Variants in DOK6 observed in about 807,000 individuals in gnomAD.
The protein encoded by DOK6 is docking protein 6, also known as downstream of tyrosine kinase 6.
DOK6 carries 22 observed loss-of-function variants against 44.0 expected under a neutral mutation model. That is an observed-to-expected ratio of 0.50 (90% CI 0.36 to 0.71). The LOEUF (loss-of-function observed/expected upper bound fraction) is 0.71, where lower values mean the gene tolerates loss of function less well. Ranked by LOEUF, DOK6 falls within the 30% of genes least tolerant of loss-of-function variation. The probability of loss-of-function intolerance (pLI) is 0.00; values close to 1 mark genes in which losing one functional copy is unlikely to be tolerated. For synonymous variants in DOK6, 166 were observed against 145.5 expected, an observed-to-expected ratio of 1.14 and a Z score of -1.01; for missense variants, 340 against 416.4, an observed-to-expected ratio of 0.82 and a Z score of 1.60.
At chr18:69,554,766 T>A (rs542402473) in intron 1 of DOK6, among the ~76,000 whole-genome samples, 209 of 152,332 alleles carry the variant, frequency 1.4e-3, no homozygotes, top group Middle Eastern at 0.014. Context: ...GAGACTTCCA[T>A]TGCTCCATAT....
chr18:69,573,008 C>T (rs969789760), intron 2 of DOK6, among the ~76,000 whole-genome samples: 10 of 150,194 alleles, frequency 6.7e-5, no homozygotes, highest in Non-Finnish European at 3.0e-5. Flanking sequence ...ATGTTACCTA[C>T]AGGTAACACA....
chr18:69,518,419 T>G (rs751035037), intron 1 of DOK6, among the ~76,000 whole-genome samples: 5 of 152,138 alleles, frequency 3.3e-5, no homozygotes, highest in Non-Finnish European at 7.4e-5. Flanking sequence ...CTGATCTTGC[T>G]TCCTCAACAG....
At chr18:69,812,527 TG>T (rs1174891000) in intron 7 of DOK6, among the ~76,000 whole-genome samples, 2 of 152,098 alleles carry the variant, frequency 1.3e-5, no homozygotes, top group African/African-American at 4.8e-5. Flanking sequence ...GCAGATGTCC[TG>T]TGATGGACAG....
chr18:69,517,514 C>T (rs1981562180), intron 1 of DOK6, among the ~76,000 whole-genome samples: 1 of 152,084 alleles, frequency 6.6e-6, no homozygotes, highest in South Asian at 2.1e-4. Flanking sequence ...CTTCTATAAT[C>T]CGGTCCTCTA....
chr18:69,822,526 A>T (rs1981604634), intron 7 of DOK6, among the ~76,000 whole-genome samples: 1 of 152,224 alleles, frequency 6.6e-6, no homozygotes, highest in Admixed American at 6.5e-5. Flanking sequence ...AAGTTTGGGG[A>T]ACCCCAGTGT....
At chr18:69,467,572 C>A (rs1356014377) in intron 1 of DOK6, among the ~76,000 whole-genome samples, 1 of 152,120 alleles carries the variant, frequency 6.6e-6, no homozygotes, top group Non-Finnish European at 1.5e-5. Context: ...CTATATTTGA[C>A]TAATTTATAT....
At chr18:69,463,061 T>C (rs1979830030) in intron 1 of DOK6, among the ~76,000 whole-genome samples, 1 of 152,220 alleles carries the variant, frequency 6.6e-6, no homozygotes, top group South Asian at 2.1e-4. Context: ...GTTGCTTATG[T>C]ACAACAGAAA....
In DOK6 at chr18:69,445,790, A is replaced by C. The variant is rs186315129; in HGVS notation, c.66+44480A>C. ...AATCCCAGTGCTTTGAGAGGCTGACACGGGAGGATCACTTGAGCCCAGTAG... is the reference window on the plus strand; with the variant it reads ...AATCCCAGTGCTTTGAGAGGCTGACCCGGGAGGATCACTTGAGCCCAGTAG... On this transcript the variant is annotated intron_variant, in intron 1 of 7. Transcript: ENST00000382713. Among the ~76,000 whole-genome samples, 17 of 152,282 alleles carry C rather than the reference A, an allele frequency of 1.1e-4. No individual in the cohort carries two copies. The East Asian group carries it at 2.7e-3, about 24-fold the overall frequency.
At chr18:69,524,530 T>A (rs1031540578) in intron 1 of DOK6, among the ~76,000 whole-genome samples, 1 of 151,924 alleles carries the variant, frequency 6.6e-6, no homozygotes. Flanking sequence ...GACTTTTAGT[T>A]GGCTAAATAG....
At chr18:69,695,223 G>GA (rs969930215) in intron 4 of DOK6, among the ~76,000 whole-genome samples, 1 of 152,176 alleles carries the variant, frequency 6.6e-6, no homozygotes, top group African/African-American at 2.4e-5. Context: ...GGAATAAACA[G>GA]AAAATGTAAA....
intron 5 of DOK6, among the ~76,000 whole-genome samples, chr18:69,701,387 C>A (rs944057779): frequency 6.6e-6 from 1 of 152,220 alleles, no homozygotes; most frequent in African/African-American, 2.4e-5. Context: ...ATTTGCCATG[C>A]AAGCATATTT....
Position 69,599,402 on chromosome 18 carries a change from A to C in DOK6, c.193A>C (p.Ile65Leu). ...TTTCAAGGTAACTGAACTGCACAAT[A>C]TCAAAAATATAACCAGACTGCCCCG... The part of the protein sequence containing the change: ...NFHKVTELHN[I>L]KNITRLPRET... Residue 65 changes from isoleucine to leucine, a missense_variant, in exon 3 of 8, where the codon ATC becomes CTC. Physicochemically the swap from Ile to Leu is conservative, Grantham distance 5. Around this residue, in one of 3 missense-constraint regions of DOK6, gnomAD observed 206 missense variants for 258.6 expected, o/e 0.80. Transcript: ENST00000382713. The C allele has an allele frequency of 6.2e-7, 1 of 1,613,684 alleles. No individual in the cohort carries two copies. The highest frequency in any genetic ancestry group is 8.5e-7 in the Non-Finnish European group (1 of 1,179,844).
chr18:69,528,973 CA>C (rs1819820755), intron 1 of DOK6, among the ~76,000 whole-genome samples: 1 of 152,100 alleles, frequency 6.6e-6, no homozygotes, highest in Non-Finnish European at 1.5e-5. Flanking sequence ...TGAAGGAAGT[CA>C]ACTGCATTTC....
At chr18:69,523,826 CTT>C (rs35867004) in intron 1 of DOK6, among the ~76,000 whole-genome samples, 7,746 of 152,038 alleles carry the variant, frequency 0.051, 237 homozygotes, top group Admixed American at 0.098. Context: ...CATGAAATCT[CTT>C]TTACTTAAAG....
intron 3 of DOK6, among the ~76,000 whole-genome samples, chr18:69,649,549 A>G (rs890429303): frequency 2.3e-4 from 35 of 152,188 alleles, no homozygotes; most frequent in African/African-American, 8.0e-4. Flanking sequence ...TCATATTACT[A>G]TGAAGAACTT....
chr18:69,478,498 T>C (rs1163783786), intron 1 of DOK6, among the ~76,000 whole-genome samples: 2 of 152,070 alleles, frequency 1.3e-5, no homozygotes, highest in South Asian at 4.1e-4. Context: ...CTAAAACAAA[T>C]GGGAAAAAAT....
At chr18:69,436,623 T>C (rs1978987387) in intron 1 of DOK6, among the ~76,000 whole-genome samples, 1 of 152,182 alleles carries the variant, frequency 6.6e-6, no homozygotes, top group Non-Finnish European at 1.5e-5. Context: ...TAAACATATG[T>C]ATGCATGTGT....
intron 3 of DOK6, among the ~76,000 whole-genome samples, chr18:69,617,852 C>T (rs1297254255): frequency 1.3e-5 from 2 of 152,018 alleles, no homozygotes; most frequent in African/African-American, 4.8e-5. Flanking sequence ...CCCCACAAAA[C>T]GCATGTTCAG....
At chr18:69,570,697 TG>T (rs1428725704) in intron 2 of DOK6, among the ~76,000 whole-genome samples, 1 of 151,886 alleles carries the variant, frequency 6.6e-6, no homozygotes, top group Admixed American at 6.6e-5. Context: ...CATGACATAC[TG>T]GGGGTCAGTG....
Sources: allele counts gnomAD v4.1 joint callset (sites outside exome capture counted in the v4.1 genomes callset), GRCh38; gene constraint gnomAD v4.1.1; regional missense constraint gnomAD v4.1.1; transcripts MANE v1.5; gene names NCBI Gene and HGNC (gene_info 2026-07-23, HGNC 2026-07-21).